The following ALK variants were observed in gnomAD, a reference collection of about 807,000 sequenced individuals.
ALK encodes the protein ALK receptor tyrosine kinase.
ALK carries 74 observed loss-of-function variants against 163.1 expected under a neutral mutation model. That is an observed-to-expected ratio of 0.45 (90% CI 0.38 to 0.55). The LOEUF (loss-of-function observed/expected upper bound fraction) is 0.55, where lower values mean the gene tolerates loss of function less well. ALK is among the 20% of genes least tolerant of loss of function. ALK has a pLI of 0.00. For synonymous variants in ALK, 960 were observed against 843.2 expected (o/e 1.14, Z -2.40); for missense variants, 2,063 against 2,105.3 (o/e 0.98, Z 0.39).
At position 29,193,463 on chromosome 2, in the gene ALK, G is replaced by T. The variant is rs1377750806; in HGVS notation, c.4624C>A (p.Pro1542Thr). ...NLGLEGSCTV[P>T]PNVATGRLPG... ...AGTCTCCCAGTTGCAACGTTAGGTGGGACAGTACAGCTTCCCTCCAGCCCC... is the reference window on the plus strand; with the variant it reads ...AGTCTCCCAGTTGCAACGTTAGGTGTGACAGTACAGCTTCCCTCCAGCCCC... The change falls in exon 29 of 29, where the codon CCA (proline) becomes ACA (threonine). Residue 1542 changes from proline to threonine, a missense_variant. Coordinates refer to ENST00000389048, the MANE Select transcript of ALK (RefSeq NM_004304.5). 1.2e-6 allele frequency: 2 copies of T among 1,614,170 alleles called. No individual in the cohort carries two copies.
chr2:29,417,524 C>A (rs947951827), intron 4 of ALK, among the ~76,000 whole-genome samples: 1 of 152,154 alleles, frequency 6.6e-6, no homozygotes, highest in African/African-American at 2.4e-5. Context: ...CCCAGAGATC[C>A]TCTGTTCTAA....
At chr2:29,382,109 G>C (rs558199502) in intron 5 of ALK, among the ~76,000 whole-genome samples, 2 of 152,310 alleles carry the variant, frequency 1.3e-5, no homozygotes, top group Admixed American at 6.5e-5. Flanking sequence ...GCTGGACCAT[G>C]AGAACTTCCC....
At chr2:29,781,987 T>C (rs1681344115) in intron 1 of ALK, among the ~76,000 whole-genome samples, 2 of 152,232 alleles carry the variant, frequency 1.3e-5, no homozygotes, top group South Asian at 4.1e-4. Context: ...GAAAAACAAG[T>C]AGGGAAGTAT....
intron 1 of ALK, among the ~76,000 whole-genome samples, chr2:29,734,023 C>T (rs929155784): frequency 6.6e-6 from 1 of 152,112 alleles, no homozygotes; most frequent in Non-Finnish European, 1.5e-5. Flanking sequence ...GTCTGCGAGC[C>T]AGCAAAGCAT....
intron 1 of ALK, among the ~76,000 whole-genome samples, chr2:29,908,641 G>C (rs1667616625): frequency 6.6e-6 from 1 of 152,202 alleles, no homozygotes; most frequent in South Asian, 2.1e-4. Flanking sequence ...ATAGTTTCCT[G>C]TCTCAGAGAA....
chr2:29,752,419 G>C (rs1329141950), intron 1 of ALK, among the ~76,000 whole-genome samples: 1 of 143,906 alleles, frequency 6.9e-6, no homozygotes, highest in Non-Finnish European at 1.5e-5. Flanking sequence ...GCGCGATCTC[G>C]ACTCACTGCA....
chr2:29,579,859 C>T (rs1019117872), intron 3 of ALK, among the ~76,000 whole-genome samples: 2 of 152,124 alleles, frequency 1.3e-5, no homozygotes, highest in African/African-American at 2.4e-5. Flanking sequence ...AGGTTCTGCA[C>T]CCCCCAGAAC....
At chr2:29,811,228 T>A (rs1288991108) in intron 1 of ALK, among the ~76,000 whole-genome samples, 2 of 76,502 alleles carry the variant, frequency 2.6e-5, no homozygotes, top group Non-Finnish European at 6.5e-5. Context: ...GAAGGCACAT[T>A]CTGACTCCCC....
intron 3 of ALK, among the ~76,000 whole-genome samples, chr2:29,565,375 C>T (rs749326798): frequency 1.3e-5 from 2 of 152,182 alleles, no homozygotes; most frequent in Admixed American, 6.5e-5. Context: ...GATACATATA[C>T]ATCCCAAGAC....
At chr2:29,456,112 T>C (rs1345265468) in intron 4 of ALK, among the ~76,000 whole-genome samples, 1 of 152,126 alleles carries the variant, frequency 6.6e-6, no homozygotes, top group African/African-American at 2.4e-5. Context: ...CCTCGTGCAT[T>C]GCTGCTGGGA....
chr2:29,237,022 C>T (rs1012041819), intron 13 of ALK, among the ~76,000 whole-genome samples: 3 of 152,196 alleles, frequency 2.0e-5, no homozygotes, highest in Admixed American at 6.5e-5. Context: ...TGTTCCCTAA[C>T]TCAGGTGATG....
chr2:29,668,895 T>A (rs936062138), intron 3 of ALK, among the ~76,000 whole-genome samples: 1 of 152,024 alleles, frequency 6.6e-6, no homozygotes, highest in Non-Finnish European at 1.5e-5. Context: ...AGAGAGTGTG[T>A]ACAGGGGAAC....
chr2:29,844,167 G>A (rs1005109126), intron 1 of ALK, among the ~76,000 whole-genome samples: 2 of 152,186 alleles, frequency 1.3e-5, no homozygotes, highest in Non-Finnish European at 2.9e-5. Flanking sequence ...AGAAGGAGTT[G>A]TCTGGACAAC....
At chr2:29,665,589 C>T (rs999058994) in intron 3 of ALK, among the ~76,000 whole-genome samples, 12 of 151,846 alleles carry the variant, frequency 7.9e-5, no homozygotes, top group African/African-American at 2.7e-4. Flanking sequence ...GGTGGGCTCC[C>T]AGGTGTTGAG....
At chr2:29,319,760 A>G (rs1308500982) in intron 7 of ALK, among the ~76,000 whole-genome samples, 1 of 152,238 alleles carries the variant, frequency 6.6e-6, no homozygotes, top group East Asian at 1.9e-4. Flanking sequence ...CAGAGACATG[A>G]AGGGCACATC....
At chr2:29,693,742 A>T (rs1167108131) in intron 3 of ALK, among the ~76,000 whole-genome samples, 1 of 152,190 alleles carries the variant, frequency 6.6e-6, no homozygotes, top group Non-Finnish European at 1.5e-5. Context: ...CTGGCCACAG[A>T]GCAGGCTCTG....
At chr2:29,564,957 C>T (rs1674137535) in intron 3 of ALK, among the ~76,000 whole-genome samples, 2 of 152,154 alleles carry the variant, frequency 1.3e-5, no homozygotes, top group African/African-American at 4.8e-5. Flanking sequence ...CACTAGAATA[C>T]CCTTAGGGGT....
chr2:29,599,377 T>C (rs1313153151), intron 3 of ALK, among the ~76,000 whole-genome samples: 1 of 152,212 alleles, frequency 6.6e-6, no homozygotes, highest in Non-Finnish European at 1.5e-5. Flanking sequence ...GGATGGCAAC[T>C]CTCTCACTTC....
intron 1 of ALK, among the ~76,000 whole-genome samples, chr2:29,889,737 GA>G (rs1667094605): frequency 7.3e-6 from 1 of 136,498 alleles, no homozygotes; most frequent in African/African-American, 2.7e-5. Context: ...GAGAGAGAGA[GA>G]GAGAGAGAGA....
Sources: allele counts gnomAD v4.1 joint callset (sites outside exome capture counted in the v4.1 genomes callset), GRCh38; gene constraint gnomAD v4.1.1; transcripts MANE v1.5; gene names NCBI Gene and HGNC (gene_info 2026-07-23, HGNC 2026-07-21).